The following FANCA variants were observed in gnomAD, a reference collection of about 807,000 sequenced individuals.
The protein encoded by FANCA is FA complementation group A.
FANCA carries 236 observed loss-of-function variants against 194.3 expected under a neutral mutation model. That is an observed-to-expected ratio of 1.21 (90% CI 1.09 to 1.35). FANCA has a LOEUF of 1.35. Ranked by LOEUF, FANCA falls within the 40% of genes most tolerant of loss-of-function variation. The pLI is 0.00. For synonymous variants in FANCA, 1,014 were observed against 715.8 expected, an observed-to-expected ratio of 1.42 and a Z score of -6.65; for missense variants, 2,628 against 1,813.9, an observed-to-expected ratio of 1.45 and a Z score of -8.15.
chr16:89,782,398 C>T (rs537946542), intron 17 of FANCA, among the ~76,000 whole-genome samples: 1 of 151,394 alleles, frequency 6.6e-6, no homozygotes, highest in Non-Finnish European at 1.5e-5. Context: ...GTAGTCCCAG[C>T]TACTCTGGAG....
At chr16:89,790,958 T>C in intron 14 of FANCA, 1 of 215,924 alleles carries the variant, frequency 4.6e-6, no homozygotes, top group Non-Finnish European at 9.4e-6. Flanking sequence ...GCCTCCCGAG[T>C]AACGAGGACT....
chr16:89,749,831 G>A lies in FANCA; in HGVS notation c.3138C>T (p.His1046=), dbSNP rs150884376. 226 of 1,614,114 alleles carry A rather than the reference G, an allele frequency of 1.4e-4. No individual in the cohort carries two copies. The highest frequency in any genetic ancestry group is 2.0e-4 in the Admixed American group (12 of 60,012). The part of the protein sequence containing the change: ...VPLGHTPSQE[H]FLFEIFRRRL... ...GTCTGCGGAAAATCTCAAAGAGGAA[G>A]TGCTCCTGGGAAGGGGTGTGGCCGA... Residue 1046 remains histidine (H), a synonymous_variant, in exon 32 of 43, where the codon CAC becomes CAT. Transcript: ENST00000389301.
intron 15 of FANCA, among the ~76,000 whole-genome samples, chr16:89,784,290 T>G (rs1248940065): frequency 6.6e-6 from 1 of 151,736 alleles, no homozygotes; most frequent in Non-Finnish European, 1.5e-5. Flanking sequence ...GAGAACTGCT[T>G]GACCTGGGAG....
At chr16:89,744,533 C>A (rs12917681) in intron 36 of FANCA, among the ~76,000 whole-genome samples, 19,268 of 151,900 alleles carry the variant, frequency 0.13, 1,500 homozygotes, top group East Asian at 0.22. Flanking sequence ...TACCAGCACG[C>A]GGTGCACTCT....
intron 33 of FANCA, 150 bp downstream of exon 33, chr16:89,748,509 A>G (rs1490964508): frequency 1.4e-6 from 1 of 731,076 alleles, no homozygotes; most frequent in Non-Finnish European, 2.4e-6. Context: ...GTCCTCCCTC[A>G]CATGGCATTC....
rs566171871 is a variant in FANCA at position 89,743,581 on chromosome 16, T to C, written c.3627-643A>G. ...GTTCACGCCTGTAATCCCAGCACTT[T>C]GGGAGGCTGAGGCAGGCAGATCACC... On this transcript the variant is annotated intron_variant, in intron 36 of 42. Coordinates refer to ENST00000389301, the MANE Select transcript of FANCA (RefSeq NM_000135.4). Among the ~76,000 whole-genome samples the C allele has an allele frequency of 7.2e-5, 11 of 152,042 alleles. No homozygotes were observed. The East Asian group carries it at 1.4e-3, about 19-fold the overall frequency.
chr16:89,740,012 A>G lies in FANCA; in HGVS notation c.3916T>C (p.Phe1306Leu). The G allele has an allele frequency of 1.2e-5, 20 of 1,614,176 alleles. No individual in the cohort carries two copies. Among genetic ancestry groups the G allele is most frequent in the Non-Finnish European group, 1.6e-5 (19 of 1,180,008 alleles). ...EKRKISWLAL[F>L]QLTESDLRLG... ...TTCTTACCACTCTCTGTCAACTGAA[A>G]GAGTGCCAGCCAGGATATCTTCCTC... Residue 1306 changes from phenylalanine to leucine, a missense_variant, in exon 39 of 43, where the codon TTT becomes CTT. By Grantham distance (22) the Phe-to-Leu change is conservative. Transcript: ENST00000389301.
chr16:89,755,296 C>T (rs2038731499), intron 30 of FANCA, among the ~76,000 whole-genome samples: 1 of 151,898 alleles, frequency 6.6e-6, no homozygotes, highest in African/African-American at 2.4e-5. Context: ...TTGCAACCTC[C>T]GCCTCCCAGG....
intron 12 of FANCA, 54 bp from the exon 13 acceptor site, chr16:89,792,122 G>T (rs147784669): frequency 1.2e-6 from 2 of 1,609,276 alleles, no homozygotes; most frequent in Non-Finnish European, 1.7e-6. Flanking sequence ...ATGTGCGACA[G>T]ATGACCCCTC....
intron 12 of FANCA, 21 bp downstream of exon 12, chr16:89,792,450 T>G (rs1428658171): frequency 6.2e-7 from 1 of 1,610,736 alleles, no homozygotes; most frequent in Non-Finnish European, 8.5e-7. Context: ...CAGAAGCAGG[T>G]ATAATACCAC....
rs75501942 is a variant in FANCA at position 89,795,980 on chromosome 16, A to G, written c.932T>C (p.Ile311Thr). 1,188 of 1,614,184 alleles carry G rather than the reference A, an allele frequency of 7.4e-4. 10 individuals carry two copies. In the African/African-American group the frequency reaches 0.012, roughly 16 times the overall value. ...GAACCTCTTCAGAGGATCTGTGGAA[A>G]TTACACTGCCAAGCGTGTGTCCACT... ...VFSGHTLGSV[I>T]STDPLKRFFS... Residue 311 changes from isoleucine (I) to threonine (T), a missense_variant, in exon 11 of 43, where the codon ATT (isoleucine) becomes ACT (threonine). Coordinates refer to ENST00000389301, the MANE Select transcript of FANCA (RefSeq NM_000135.4).
At chr16:89,766,057 T>C (rs558481013) in intron 27 of FANCA, among the ~76,000 whole-genome samples, 2 of 151,734 alleles carry the variant, frequency 1.3e-5, no homozygotes, top group African/African-American at 4.8e-5. Flanking sequence ...AGTGCAGTGG[T>C]GCAGTCTCGG....
At chr16:89,783,285 T>G (rs2039784191) in intron 15 of FANCA, among the ~76,000 whole-genome samples, 183 bp from the exon 16 acceptor site, 1 of 152,030 alleles carries the variant, frequency 6.6e-6, no homozygotes. Context: ...GCGCAGCGGC[T>G]TACACCTGTA....
intron 3 of FANCA, 71 bp from the exon 4 acceptor site, chr16:89,811,142 T>C: frequency 6.3e-7 from 1 of 1,598,718 alleles, no homozygotes; most frequent in Non-Finnish European, 8.6e-7. Context: ...AGACTTGCTG[T>C]TTAAAATGCC....
intron 20 of FANCA, 91 bp from the exon 21 acceptor site, chr16:89,775,906 T>C (rs958636157): frequency 3.2e-5 from 25 of 776,836 alleles, no homozygotes; most frequent in Admixed American, 1.4e-4. Flanking sequence ...AATAAAAACA[T>C]ATTAAATTTA....
In FANCA at chr16:89,744,865, T is replaced by C. The variant is rs2062208151; in HGVS notation, c.3626+94A>G. ...CACACGAGAGGCTGCCCACACCGCT[T>C]CTCTCAAGCAAGCCAGGGTGTTTAG... On this transcript the variant is annotated intron_variant, in intron 36 of 42. Transcript: ENST00000389301. 3.4e-6 allele frequency: 4 copies of C among 1,169,368 alleles called. No individual in the cohort carries two copies. In the Admixed American group the frequency reaches 7.7e-5, roughly 22 times the overall value. The allele number at this position is 1,169,368 out of a possible 1,614,324, so 72.4% of individuals were successfully genotyped here. A position where few individuals can be genotyped will look rare whatever the true frequency, so the allele number is the denominator to read the frequency against.
At chr16:89,742,428 G>A (rs2062156210) in intron 37 of FANCA, among the ~76,000 whole-genome samples, 1 of 151,844 alleles carries the variant, frequency 6.6e-6, no homozygotes, top group Non-Finnish European at 1.5e-5. Flanking sequence ...CTCCAGCCTG[G>A]GCGACAGTGA....
chr16:89,774,964 C>A (rs1457488867), intron 21 of FANCA, among the ~76,000 whole-genome samples: 2 of 151,576 alleles, frequency 1.3e-5, no homozygotes, highest in African/African-American at 4.9e-5. Context: ...CGTAGTAGTG[C>A]GTGCCTATAA....
intron 30 of FANCA, among the ~76,000 whole-genome samples, chr16:89,755,569 T>A (rs1188184134): frequency 6.6e-6 from 1 of 152,166 alleles, no homozygotes; most frequent in Non-Finnish European, 1.5e-5. Context: ...AAATAAATGA[T>A]CTGGACTTTA....
Sources: gnomAD v4.1 joint callset for allele counts (sites outside exome capture counted in the v4.1 genomes callset) on GRCh38, gnomAD v4.1.1 for gene constraint, MANE v1.5 for transcripts, NCBI Gene and HGNC (gene_info 2026-07-23, HGNC 2026-07-21) for gene names.